The following DNAH3 variants were observed in gnomAD, a reference collection of about 807,000 sequenced individuals.
The protein encoded by DNAH3 is dynein axonemal heavy chain 3.
DNAH3 carries 332 observed loss-of-function variants against 432.5 expected under a neutral mutation model. The ratio of observed to expected loss-of-function variants is 0.77; its 90% CI spans 0.70 to 0.84. DNAH3 has a LOEUF of 0.84. Ranked by LOEUF, DNAH3 falls within the 40% of genes least tolerant of loss-of-function variation. DNAH3 has a pLI of 0.00. For missense variants in DNAH3, 4,861 were observed against 5,114.0 expected, an observed-to-expected ratio of 0.95 and a Z score of 1.51; for synonymous variants, 1,956 against 1,900.2, an observed-to-expected ratio of 1.03 and a Z score of -0.76.
chr16:21,101,497 A>G (rs1337942415), intron 16 of DNAH3, among the ~76,000 whole-genome samples: 1 of 152,236 alleles, frequency 6.6e-6, no homozygotes, highest in Non-Finnish European at 1.5e-5. Flanking sequence ...AGGTTGAATA[A>G]GAGTTGTATT....
chr16:20,999,110 C>T (rs890560229), intron 43 of DNAH3, among the ~76,000 whole-genome samples: 19 of 152,074 alleles, frequency 1.2e-4, no homozygotes, highest in African/African-American at 4.6e-4. Context: ...GAAAAATTAG[C>T]CAAGAGTGGT....
At chr16:21,144,135 G>A (rs1234399341) in intron 3 of DNAH3, among the ~76,000 whole-genome samples, 2 of 152,160 alleles carry the variant, frequency 1.3e-5, no homozygotes, top group African/African-American at 2.4e-5. Flanking sequence ...ACAAGGTGCT[G>A]TGGTAAGCAG....
rs577922491 is a variant in DNAH3 at position 20,955,079 on chromosome 16, C to T, written c.10827-22G>A. The T allele has an allele frequency of 1.5e-5, 24 of 1,571,034 alleles. No individual in the cohort carries two copies. In the South Asian group the frequency reaches 1.9e-4, roughly 12 times the overall value. On this transcript the variant is annotated intron_variant, in intron 54 of 61. Transcript: ENST00000261383. ...GAGTCTGGAAGAACAATGGACCCAA[C>T]GTTTTAGAGCAATACAATAAGTTAT...
chr16:21,100,566 G>A (rs1423478417), intron 16 of DNAH3, among the ~76,000 whole-genome samples: 2 of 152,150 alleles, frequency 1.3e-5, no homozygotes, highest in African/African-American at 2.4e-5. Context: ...ACACAATGTC[G>A]GGTGCTCTCC....
intron 1 of DNAH3, among the ~76,000 whole-genome samples, chr16:21,155,708 C>T (rs1157235679): frequency 6.6e-6 from 1 of 151,084 alleles, no homozygotes; most frequent in Non-Finnish European, 1.5e-5. Context: ...TAAAAAGTTA[C>T]CCATTATTTA....
chr16:20,955,132 A>G, intron 54 of DNAH3, 75 bp from the exon 55 acceptor site: 1 of 1,443,804 alleles, frequency 6.9e-7, no homozygotes, highest in South Asian at 1.5e-5. Context: ...AAAACAAAAC[A>G]ATAACAATAA....
intron 14 of DNAH3, among the ~76,000 whole-genome samples, chr16:21,108,033 C>G (rs369216782): frequency 6.6e-6 from 1 of 151,958 alleles, no homozygotes; most frequent in East Asian, 1.9e-4. Context: ...ACCACCACAC[C>G]CGGCTAATTT....
intron 59 of DNAH3, among the ~76,000 whole-genome samples, chr16:20,938,179 G>A (rs1164210800): frequency 6.6e-6 from 1 of 152,104 alleles, no homozygotes; most frequent in Non-Finnish European, 1.5e-5. Flanking sequence ...ATCACTTGAG[G>A]TCAGGAGTTT....
intron 1 of DNAH3, among the ~76,000 whole-genome samples, chr16:21,157,915 TGG>T (rs145116590): frequency 2.0e-5 from 3 of 146,446 alleles, no homozygotes; most frequent in Admixed American, 2.0e-4. Flanking sequence ...CAACTGGAGG[TGG>T]GGGGGGGCGG....
At chr16:21,143,668 T>G (rs2092748487) in intron 3 of DNAH3, among the ~76,000 whole-genome samples, 3 of 152,226 alleles carry the variant, frequency 2.0e-5, no homozygotes, top group African/African-American at 7.2e-5. Flanking sequence ...ATTTGCTACA[T>G]GTCCTTAAAG....
chr16:21,064,339 G>A (rs974371691), intron 24 of DNAH3, among the ~76,000 whole-genome samples: 1 of 152,172 alleles, frequency 6.6e-6, no homozygotes, highest in African/African-American at 2.4e-5. Flanking sequence ...GCTGACTGAT[G>A]GCTGACTGCA....
intron 18 of DNAH3, among the ~76,000 whole-genome samples, chr16:21,089,679 G>A (rs7190657): frequency 6.6e-6 from 1 of 151,840 alleles, no homozygotes; most frequent in Non-Finnish European, 1.5e-5. Flanking sequence ...ATTTGTGAGG[G>A]ACAACTATAA....
chr16:21,026,997 C>G, intron 38 of DNAH3, 30 bp downstream of exon 38: 2 of 1,533,828 alleles, frequency 1.3e-6, no homozygotes, highest in Non-Finnish European at 1.8e-6. Context: ...GCCACACTGT[C>G]CCCCGGGGTG....
At chr16:21,042,886 T>C (rs2089511112) in intron 31 of DNAH3, among the ~76,000 whole-genome samples, 1 of 152,186 alleles carries the variant, frequency 6.6e-6, no homozygotes, top group South Asian at 2.1e-4. Flanking sequence ...GTGATCTCAC[T>C]GTTCAGTTCC....
intron 7 of DNAH3, among the ~76,000 whole-genome samples, chr16:21,130,776 C>G (rs879876093): frequency 6.6e-6 from 1 of 152,178 alleles, no homozygotes; most frequent in African/African-American, 2.4e-5. Flanking sequence ...GTCTTTGCTA[C>G]GAGATCAATT....
intron 6 of DNAH3, among the ~76,000 whole-genome samples, chr16:21,134,840 C>A (rs767989270): frequency 6.6e-6 from 1 of 152,120 alleles, no homozygotes; most frequent in Non-Finnish European, 1.5e-5. Context: ...GTGGCTGCCA[C>A]CACACCTGCC....
chr16:21,071,371 ACTGTGTTGCC>A (rs1428773104), intron 21 of DNAH3, among the ~76,000 whole-genome samples: 2 of 150,324 alleles, frequency 1.3e-5, no homozygotes, highest in East Asian at 4.1e-4. Context: ...ATGGGGTCTC[ACTGTGTTGCC>A]CAGGCTGGTC....
chr16:21,153,719 AG>A (rs1358738659), intron 1 of DNAH3, among the ~76,000 whole-genome samples: 5 of 152,120 alleles, frequency 3.3e-5, no homozygotes, highest in African/African-American at 1.2e-4. Context: ...TCCGAGCATC[AG>A]AAGGAACAAA....
At chr16:20,987,506 T>G (rs1219702100) in intron 46 of DNAH3, 58 bp from the exon 47 acceptor site, 1 of 1,602,406 alleles carries the variant, frequency 6.2e-7, no homozygotes, top group Non-Finnish European at 8.5e-7. Context: ...AGGTGGTAGT[T>G]CTCAGTAGTA....
Sources: gnomAD v4.1 joint callset for allele counts (sites outside exome capture counted in the v4.1 genomes callset) on GRCh38, gnomAD v4.1.1 for gene constraint, MANE v1.5 for transcripts, NCBI Gene and HGNC (gene_info 2026-07-23, HGNC 2026-07-21) for gene names.